HS6ST1: variants seen among roughly 807,000 people sequenced by gnomAD.
The protein encoded by HS6ST1 is heparan sulfate 6-O-sulfotransferase 1, also known as heparan-sulfate 6-O-sulfotransferase 1.
A neutral mutation model predicts 25.2 loss-of-function variants in HS6ST1; 3 were observed. That is an observed-to-expected ratio of 0.12 (90% confidence interval 0.05 to 0.31). HS6ST1 has a LOEUF of 0.31. Among genes scored for constraint, HS6ST1 ranks in the 10% least tolerant of loss-of-function variants. The pLI is 1.00. For synonymous variants in HS6ST1, 204 were observed against 275.1 expected, an observed-to-expected ratio of 0.74 and a Z score of 2.56; for missense variants, 310 against 609.6, an observed-to-expected ratio of 0.51 and a Z score of 5.18.
chr2:128,272,788 G>C (rs1558868209), intron 1 of HS6ST1, among the ~76,000 whole-genome samples: 1 of 152,220 alleles, frequency 6.6e-6, no homozygotes, highest in African/African-American at 2.4e-5. Context: ...AGCTGGGAGG[G>C]TGAGCTGCTG....
intron 1 of HS6ST1, among the ~76,000 whole-genome samples, chr2:128,298,432 T>A (rs370764111): frequency 1.3e-5 from 2 of 152,248 alleles, no homozygotes; most frequent in East Asian, 1.9e-4. Context: ...CACTGACAGA[T>A]GAAGGGATGA....
intron 1 of HS6ST1, among the ~76,000 whole-genome samples, chr2:128,316,295 C>T (rs796300121): frequency 5.9e-5 from 9 of 152,368 alleles, no homozygotes; most frequent in African/African-American, 1.9e-4. Context: ...TCAAAAGCTC[C>T]GGCTTCTTGG....
chr2:128,294,671 CGT>C (rs56059401), intron 1 of HS6ST1, among the ~76,000 whole-genome samples: 26,634 of 135,774 alleles, frequency 0.2, 2,701 homozygotes, highest in East Asian at 0.49. Flanking sequence ...AGAAGGGAGG[CGT>C]GTGTGTGTGT....
chr2:128,298,924 C>T (rs907849061), intron 1 of HS6ST1, among the ~76,000 whole-genome samples: 3 of 152,248 alleles, frequency 2.0e-5, no homozygotes, highest in Non-Finnish European at 4.4e-5. Flanking sequence ...TCCCTGGGCG[C>T]GGCCACCCTG....
intron 1 of HS6ST1, among the ~76,000 whole-genome samples, chr2:128,284,497 C>T (rs1011267317): frequency 7.2e-5 from 5 of 69,302 alleles, no homozygotes; most frequent in Admixed American, 7.0e-4. Flanking sequence ...GAGGTGACAT[C>T]GTCCCTCTTT....
intron 1 of HS6ST1, among the ~76,000 whole-genome samples, chr2:128,316,463 G>A (rs1694364264): frequency 6.6e-6 from 1 of 152,236 alleles, no homozygotes. Flanking sequence ...CTGGTGGAAG[G>A]GTGGGTGGGG....
Position 128,318,512 on chromosome 2 carries a change from A to G in HS6ST1, c.52T>C (p.Phe18Leu). Reference sequence around the variant, plus strand: ...ACCGAGCCCGCCACCACCAGCACGAACTTGCTGGCGCGCTCAACCATGGTC... The same window carrying G: ...ACCGAGCCCGCCACCACCAGCACGAGCTTGCTGGCGCGCTCAACCATGGTC... Reference protein sequence around the residue: ...GRTMVERASKFVLVVAGSVCF... With the variant: ...GRTMVERASKLVLVVAGSVCF... The change falls in exon 1 of 2, where the codon TTC (phenylalanine) becomes CTC (leucine). Residue 18 changes from phenylalanine to leucine, a missense_variant. Coordinates refer to ENST00000259241, the MANE Select transcript of HS6ST1 (RefSeq NM_004807.3). This position sits in a 1 kb window ranked among gnomAD's most constrained non-coding sequence, Gnocchi z 5.7. 3 of 1,538,070 alleles carry G rather than the reference A, an allele frequency of 2.0e-6. No individual in the cohort carries two copies. The highest frequency in any genetic ancestry group is 2.6e-6 in the Non-Finnish European group (3 of 1,146,672).
chr2:128,281,787 G>C (rs984520226), intron 1 of HS6ST1, among the ~76,000 whole-genome samples: 29 of 152,248 alleles, frequency 1.9e-4, no homozygotes, highest in African/African-American at 7.0e-4. Flanking sequence ...GGCCAGGAGG[G>C]CCTGGCAGCA....
chr2:128,307,701 AC>A (rs1694233945), intron 1 of HS6ST1, among the ~76,000 whole-genome samples: 1 of 152,216 alleles, frequency 6.6e-6, no homozygotes, highest in East Asian at 1.9e-4. Flanking sequence ...GGAAACATGC[AC>A]TAAGAGCACA....
chr2:128,291,169 G>A (rs1412840851), intron 1 of HS6ST1, among the ~76,000 whole-genome samples: 2 of 152,168 alleles, frequency 1.3e-5, no homozygotes, highest in East Asian at 3.9e-4. Context: ...GAGGAACTAG[G>A]GACCTAACTG....
At chr2:128,313,244 A>G (rs565892327) in intron 1 of HS6ST1, among the ~76,000 whole-genome samples, 4 of 152,288 alleles carry the variant, frequency 2.6e-5, no homozygotes, top group East Asian at 3.9e-4. Context: ...AGGAATCTCC[A>G]GAGGAAATCA....
intron 1 of HS6ST1, among the ~76,000 whole-genome samples, chr2:128,292,532 C>T (rs369471868): frequency 3.9e-5 from 6 of 152,276 alleles, no homozygotes; most frequent in Non-Finnish European, 5.9e-5. Flanking sequence ...GGCATCCCGG[C>T]GAGGATGTGG....
intron 1 of HS6ST1, among the ~76,000 whole-genome samples, chr2:128,307,688 T>C (rs1694233850): frequency 2.0e-5 from 3 of 152,182 alleles, no homozygotes; most frequent in African/African-American, 7.2e-5. Context: ...CTCTCTGCCA[T>C]GGGGAAACAT....
Position 128,295,175 on chromosome 2 carries a change from G to A in HS6ST1, c.527+22862C>T, listed in dbSNP as rs112148240. 5.9e-5 allele frequency among the ~76,000 whole-genome samples: 9 copies of A among 152,338 alleles called. 2 individuals carry two copies. The highest frequency in any genetic ancestry group is 2.1e-4 in the South Asian group (1 of 4,830). ...CACCGTGAGATGTTGCCGGCTGATGGCACAGGCAGCATCCTTGCTGCCTCC... is the reference window on the plus strand; with the variant it reads ...CACCGTGAGATGTTGCCGGCTGATGACACAGGCAGCATCCTTGCTGCCTCC... On this transcript the variant is annotated intron_variant, in intron 1 of 1. Transcript: ENST00000259241.
intron 1 of HS6ST1, among the ~76,000 whole-genome samples, chr2:128,290,817 CAAA>C (rs57754041): frequency 1.4e-3 from 84 of 60,544 alleles, no homozygotes; most frequent in African/African-American, 5.7e-3. Context: ...ACTAAAAATA[CAAA>C]AAAAAAAAAA....
intron 1 of HS6ST1, among the ~76,000 whole-genome samples, chr2:128,310,047 A>G (rs899758575): frequency 1.3e-5 from 2 of 152,144 alleles, no homozygotes; most frequent in African/African-American, 2.4e-5. Flanking sequence ...ACAGGTATCT[A>G]TCTGGGCCCA....
intron 1 of HS6ST1, among the ~76,000 whole-genome samples, chr2:128,297,479 A>C (rs1402906007): frequency 6.6e-6 from 1 of 152,238 alleles, no homozygotes; most frequent in East Asian, 1.9e-4. Flanking sequence ...CTTGAATATG[A>C]CATCCAAACA....
chr2:128,308,963 G>C (rs938288336), intron 1 of HS6ST1, among the ~76,000 whole-genome samples: 5 of 152,150 alleles, frequency 3.3e-5, no homozygotes, highest in African/African-American at 1.2e-4. Context: ...TGGAACTGTG[G>C]GTATAATTCC....
intron 1 of HS6ST1, among the ~76,000 whole-genome samples, chr2:128,316,708 G>GGGT (rs1558883674): frequency 1.3e-5 from 2 of 150,960 alleles, no homozygotes; most frequent in African/African-American, 4.9e-5. Flanking sequence ...TGTGTGTGTG[G>GGGT]GTGTGTGTGT....
Sources: gnomAD v4.1 joint callset for allele counts (sites outside exome capture counted in the v4.1 genomes callset) on GRCh38, gnomAD v4.1.1 for gene constraint, Gnocchi (gnomAD v3.1) non-coding constraint, MANE v1.5 for transcripts, NCBI Gene and HGNC (gene_info 2026-07-23, HGNC 2026-07-21) for gene names.